FHIT: variants seen among roughly 807,000 people sequenced by gnomAD.
FHIT encodes the protein fragile histidine triad diadenosine triphosphatase, also known as bis(5'-adenosyl)-triphosphatase.
A neutral mutation model predicts 17.9 loss-of-function variants in FHIT; 19 were observed. That is an observed-to-expected ratio of 1.06 (90% CI 0.74 to 1.56). The LOEUF (loss-of-function observed/expected upper bound fraction) is 1.56, where lower values mean the gene tolerates loss of function less well. Among genes scored for constraint, FHIT ranks in the 40% most tolerant of loss-of-function variants. The pLI is 0.00. For missense variants in FHIT, 248 were observed against 189.2 expected (o/e 1.31, Z -1.82); for synonymous variants, 81 against 69.7 (o/e 1.16, Z -0.81).
At chr3:60,823,943 C>T (rs1702026160) in intron 3 of FHIT, among the ~76,000 whole-genome samples, 1 of 152,122 alleles carries the variant, frequency 6.6e-6, no homozygotes, top group Non-Finnish European at 1.5e-5. Flanking sequence ...TATGTTAGAA[C>T]AGCAGGGAGG....
intron 5 of FHIT, among the ~76,000 whole-genome samples, chr3:60,497,191 C>G (rs1392681582): frequency 6.6e-6 from 1 of 151,892 alleles, no homozygotes; most frequent in Non-Finnish European, 1.5e-5. Flanking sequence ...GGACAGCCCC[C>G]ACAAGAAAGT....
At chr3:60,957,791 G>A (rs987502632) in intron 3 of FHIT, among the ~76,000 whole-genome samples, 26 of 152,104 alleles carry the variant, frequency 1.7e-4, no homozygotes, top group Admixed American at 1.1e-3. Flanking sequence ...CCTTGCTGTG[G>A]TGCCTAACCA....
chr3:60,446,498 G>A (rs2031341298), intron 5 of FHIT, among the ~76,000 whole-genome samples: 1 of 152,008 alleles, frequency 6.6e-6, no homozygotes, highest in Admixed American at 6.6e-5. Context: ...AAGGCCTGTG[G>A]GGTACACTAG....
At chr3:60,052,966 C>T (rs1701942633) in intron 5 of FHIT, among the ~76,000 whole-genome samples, 2 of 151,898 alleles carry the variant, frequency 1.3e-5, no homozygotes, top group South Asian at 4.2e-4. Context: ...TAAAATTACA[C>T]TTAAAATAGA....
intron 5 of FHIT, among the ~76,000 whole-genome samples, chr3:60,330,204 G>A (rs1233207523): frequency 6.6e-6 from 1 of 152,158 alleles, no homozygotes; most frequent in Admixed American, 6.5e-5. Flanking sequence ...GACTGACAGA[G>A]CAAGTATTCC....
chr3:59,933,474 T>A (rs1303545176), intron 7 of FHIT, among the ~76,000 whole-genome samples: 1 of 151,978 alleles, frequency 6.6e-6, no homozygotes, highest in Non-Finnish European at 1.5e-5. Context: ...TGTTGTCTCC[T>A]TTTTTTTCAG....
intron 3 of FHIT, among the ~76,000 whole-genome samples, chr3:60,962,242 G>C (rs929189803): frequency 1.3e-5 from 2 of 152,148 alleles, no homozygotes; most frequent in African/African-American, 4.8e-5. Context: ...TCTGTTATTG[G>C]TGTATAAGAA....
chr3:61,205,266 G>A (rs541456130), intron 1 of FHIT, among the ~76,000 whole-genome samples: 52 of 152,114 alleles, frequency 3.4e-4, no homozygotes, highest in African/African-American at 1.3e-3. Flanking sequence ...ATTGTGAATA[G>A]TGCCACAATA....
chr3:60,487,152 T>G (rs917904997), intron 5 of FHIT, among the ~76,000 whole-genome samples: 2 of 152,190 alleles, frequency 1.3e-5, no homozygotes, highest in African/African-American at 4.8e-5. Flanking sequence ...CGCAAGAACC[T>G]GGCTAGTAAG....
chr3:60,615,279 A>G (rs2038918192), intron 4 of FHIT, among the ~76,000 whole-genome samples: 1 of 152,184 alleles, frequency 6.6e-6, no homozygotes, highest in Non-Finnish European at 1.5e-5. Context: ...TCAGACACCA[A>G]TAATTTGTCA....
intron 5 of FHIT, among the ~76,000 whole-genome samples, chr3:60,121,703 A>T (rs1233223938): frequency 1.4e-5 from 1 of 73,608 alleles, no homozygotes; most frequent in Non-Finnish European, 2.7e-5. Context: ...ACAAACAAAC[A>T]AAACAAACAC....
chr3:60,899,085 C>A (rs149813724), intron 3 of FHIT, among the ~76,000 whole-genome samples: 87 of 152,228 alleles, frequency 5.7e-4, no homozygotes, highest in African/African-American at 2.0e-3. Flanking sequence ...CAGATAAATC[C>A]GCTACTTTGA....
intron 4 of FHIT, among the ~76,000 whole-genome samples, chr3:60,561,283 C>T (rs530780266): frequency 6.6e-6 from 1 of 152,048 alleles, no homozygotes; most frequent in Non-Finnish European, 1.5e-5. Context: ...AAAGTCAATA[C>T]TCAAGGTCAA....
intron 5 of FHIT, among the ~76,000 whole-genome samples, chr3:60,088,347 A>G (rs1023476523): frequency 6.6e-6 from 1 of 152,208 alleles, no homozygotes; most frequent in Non-Finnish European, 1.5e-5. Flanking sequence ...ACCACATGGT[A>G]GAGTGGAAAG....
chr3:61,001,319 G>A (rs1575819984), intron 3 of FHIT, among the ~76,000 whole-genome samples: 1 of 152,162 alleles, frequency 6.6e-6, no homozygotes, highest in East Asian at 1.9e-4. Context: ...ACTTGTCACA[G>A]AGAAACGAAA....
intron 4 of FHIT, among the ~76,000 whole-genome samples, chr3:60,710,426 G>A (rs1373812052): frequency 6.6e-6 from 1 of 152,214 alleles, no homozygotes; most frequent in African/African-American, 2.4e-5. Flanking sequence ...GGGCGCAGGA[G>A]AGTGGGTGCA....
chr3:60,189,590 T>C (rs1242749900), intron 5 of FHIT, among the ~76,000 whole-genome samples: 3 of 152,230 alleles, frequency 2.0e-5, no homozygotes, highest in African/African-American at 4.8e-5. Flanking sequence ...GCTATATTTA[T>C]TGCAAGACAT....
chr3:59,802,984 G>T (rs968012688), intron 8 of FHIT, among the ~76,000 whole-genome samples: 1 of 152,114 alleles, frequency 6.6e-6, no homozygotes, highest in Non-Finnish European at 1.5e-5. Context: ...TTGACTGACT[G>T]CATCCCCCTG....
intron 5 of FHIT, among the ~76,000 whole-genome samples, chr3:60,077,684 CTT>C (rs1491481677): frequency 3.1e-5 from 3 of 97,024 alleles, no homozygotes; most frequent in East Asian, 6.6e-4. Context: ...TACGATTTTA[CTT>C]CACACACACA....
Sources: allele counts gnomAD v4.1 joint callset (sites outside exome capture counted in the v4.1 genomes callset), GRCh38; gene constraint gnomAD v4.1.1; transcripts MANE v1.5; gene names NCBI Gene and HGNC (gene_info 2026-07-23, HGNC 2026-07-21).